Variants in CBFA2T2 observed in about 807,000 individuals in gnomAD.
CBFA2T2 encodes the protein CBFA2/RUNX1 partner transcriptional co-repressor 2, also known as protein CBFA2T2.
Under a neutral mutation model 62.2 loss-of-function variants are expected in CBFA2T2, and 11 were observed. The ratio of observed to expected loss-of-function variants is 0.18; its 90% CI spans 0.11 to 0.29. CBFA2T2 has a LOEUF of 0.29. Among genes scored for constraint, CBFA2T2 ranks in the 10% least tolerant of loss-of-function variants. The probability of loss-of-function intolerance (pLI) is 1.00; values close to 1 mark genes in which losing one functional copy is unlikely to be tolerated. For synonymous variants in CBFA2T2, 295 were observed against 287.5 expected, an observed-to-expected ratio of 1.03 and a Z score of -0.27; for missense variants, 592 against 774.1, an observed-to-expected ratio of 0.76 and a Z score of 2.79.
intron 1 of CBFA2T2, among the ~76,000 whole-genome samples, chr20:33,591,166 TG>T (rs1175645792): frequency 1.3e-4 from 4 of 31,878 alleles, no homozygotes; most frequent in East Asian, 2.0e-3. Context: ...GCAACAAGAG[TG>T]AAACTCCCTC....
intron 1 of CBFA2T2, among the ~76,000 whole-genome samples, chr20:33,506,915 G>C (rs2011412814): frequency 6.6e-6 from 1 of 152,118 alleles, no homozygotes; most frequent in Non-Finnish European, 1.5e-5. Context: ...TCAATGGGGA[G>C]AATGTCCAAA....
chr20:33,580,305 G>A (rs1340550462), intron 1 of CBFA2T2, among the ~76,000 whole-genome samples: 1 of 151,894 alleles, frequency 6.6e-6, no homozygotes, highest in Non-Finnish European at 1.5e-5. Context: ...TCTAATAGTT[G>A]GTTTTACTTA....
At chr20:33,615,132 G>A (rs1208457055) in intron 3 of CBFA2T2, among the ~76,000 whole-genome samples, 1 of 152,132 alleles carries the variant, frequency 6.6e-6, no homozygotes, top group Non-Finnish European at 1.5e-5. Context: ...AGGAGTTTGA[G>A]GCCAGCCTGG....
intron 1 of CBFA2T2, among the ~76,000 whole-genome samples, chr20:33,493,560 C>T (rs569999357): frequency 3.9e-4 from 60 of 152,222 alleles, no homozygotes; most frequent in African/African-American, 1.2e-3. Context: ...TTCTGCTGCC[C>T]AGTGAGCATA....
intron 1 of CBFA2T2, among the ~76,000 whole-genome samples, chr20:33,500,995 A>G (rs2011270583): frequency 6.6e-6 from 1 of 152,236 alleles, no homozygotes; most frequent in African/African-American, 2.4e-5. Context: ...GGATCATCAA[A>G]TATAGTATAT....
At chr20:33,511,211 A>G (rs972750727) in intron 1 of CBFA2T2, among the ~76,000 whole-genome samples, 1 of 152,140 alleles carries the variant, frequency 6.6e-6, no homozygotes, top group Non-Finnish European at 1.5e-5. Context: ...GTCCTTGCCC[A>G]TACCTGTGTC....
intron 1 of CBFA2T2, among the ~76,000 whole-genome samples, chr20:33,520,786 A>G (rs1295301967): frequency 6.6e-6 from 1 of 151,964 alleles, no homozygotes; most frequent in Non-Finnish European, 1.5e-5. Context: ...GAAAAAAAGA[A>G]ATATCTTAAA....
chr20:33,623,880 T>C (rs1289452317), intron 5 of CBFA2T2: 1 of 716,892 alleles, frequency 1.4e-6, no homozygotes, highest in Non-Finnish European at 2.6e-6. Flanking sequence ...CTAGAGAATT[T>C]ATGGGTCGAC....
chr20:33,548,284 C>T (rs919782318), intron 1 of CBFA2T2, among the ~76,000 whole-genome samples: 16 of 150,250 alleles, frequency 1.1e-4, no homozygotes, highest in African/African-American at 3.7e-4. Context: ...TCTACTCTGT[C>T]GCCCAGGCTG....
intron 5 of CBFA2T2, among the ~76,000 whole-genome samples, chr20:33,624,254 AAG>A (rs1365802806): frequency 8.1e-5 from 12 of 148,760 alleles, no homozygotes; most frequent in Middle Eastern, 3.4e-3. Flanking sequence ...AAAAAAAAAA[AAG>A]AAAATTTATT....
At chr20:33,554,600 CT>C (rs752877501) in intron 1 of CBFA2T2, among the ~76,000 whole-genome samples, 1,386 of 56,368 alleles carry the variant, frequency 0.025, 20 homozygotes, top group African/African-American at 0.093. Flanking sequence ...TTTTTCTTTT[CT>C]TTTTTTTTTT....
At chr20:33,521,713 C>T (rs1251294110) in intron 1 of CBFA2T2, among the ~76,000 whole-genome samples, 1 of 152,086 alleles carries the variant, frequency 6.6e-6, no homozygotes, top group Non-Finnish European at 1.5e-5. Context: ...GCTTTTCCAG[C>T]TCTCTCCAGT....
intron 1 of CBFA2T2, chr20:33,574,258 A>G: frequency 6.2e-7 from 1 of 1,612,760 alleles, no homozygotes; most frequent in Non-Finnish European, 8.5e-7. Flanking sequence ...AAGGCAATGG[A>G]AAGGTATGTG....
At chr20:33,641,084 G>A (rs2016818154) in intron 10 of CBFA2T2, among the ~76,000 whole-genome samples, 1 of 151,828 alleles carries the variant, frequency 6.6e-6, no homozygotes, top group South Asian at 2.1e-4. Context: ...CCAGGCTGGA[G>A]TGCAGTGGTG....
rs773470081 is a variant in CBFA2T2, at chr20:33,636,674, A to C, written c.1263A>C (p.Thr421=). 7 of 1,613,588 alleles carry C rather than the reference A, an allele frequency of 4.3e-6. No individual in the cohort carries two copies. Residue 421 remains threonine (T), a synonymous_variant, in exon 9 of 11, where the codon ACA becomes ACC. Transcript: ENST00000342704. ...SQREFNSRPG[T]GYVPVEFWKK... ...GAGAGTTCAACAGCAGGCCAGGTACAGGATACGTACCTGTGGAGTTTTGGA... is the reference window on the plus strand; with the variant it reads ...GAGAGTTCAACAGCAGGCCAGGTACCGGATACGTACCTGTGGAGTTTTGGA...
chr20:33,542,882 A>T (rs2012443664), intron 1 of CBFA2T2, among the ~76,000 whole-genome samples: 1 of 152,122 alleles, frequency 6.6e-6, no homozygotes. Flanking sequence ...CGTGTTGTTC[A>T]GGCTGGTCTC....
chr20:33,596,002 T>C (rs2014869346), intron 1 of CBFA2T2, among the ~76,000 whole-genome samples: 1 of 152,220 alleles, frequency 6.6e-6, no homozygotes, highest in African/African-American at 2.4e-5. Flanking sequence ...TCATGCCCAG[T>C]TTTCTTTCTT....
chr20:33,624,612 A>G (rs1307610825), intron 5 of CBFA2T2, 152 bp from the exon 6 acceptor site: 6 of 813,924 alleles, frequency 7.4e-6, no homozygotes, highest in South Asian at 1.7e-5. Flanking sequence ...CTTGAAGACA[A>G]TTCAGCTCAT....
chr20:33,618,335 A>G (rs2015788478), intron 3 of CBFA2T2: 1 of 152,146 alleles, frequency 6.6e-6, no homozygotes, highest in Non-Finnish European at 1.5e-5. Flanking sequence ...TAATCCCCAT[A>G]TTTCATTTTG....
Sources: allele counts gnomAD v4.1 joint callset (sites outside exome capture counted in the v4.1 genomes callset), GRCh38; gene constraint gnomAD v4.1.1; transcripts MANE v1.5; gene names NCBI Gene and HGNC (gene_info 2026-07-23, HGNC 2026-07-21).